GABPB2: variants seen among roughly 807,000 people sequenced by gnomAD.
GABPB2 encodes the protein GA binding protein transcription factor subunit beta 2, also known as GA-binding protein subunit beta-2.
A neutral mutation model predicts 39.1 loss-of-function variants in GABPB2; 23 were observed. That is an observed-to-expected ratio of 0.59 (90% CI 0.42 to 0.83). The LOEUF (loss-of-function observed/expected upper bound fraction) is 0.83, where lower values mean the gene tolerates loss of function less well. Among genes scored for constraint, GABPB2 ranks in the 40% least tolerant of loss-of-function variants. The probability of loss-of-function intolerance (pLI) is 0.00; values close to 1 mark genes in which losing one functional copy is unlikely to be tolerated. For missense variants in GABPB2, 467 were observed against 541.1 expected (o/e 0.86, Z 1.36); for synonymous variants, 184 against 199.3 (o/e 0.92, Z 0.65).
In GABPB2 at chr1:151,093,278, G is replaced by A. The variant is rs752731005; in HGVS notation, c.363G>A (p.Glu121=). ...AGCGCCACCATCGAGATGTCGTAGA[G>A]TTACTTATCAAATATGGAGCTGATG... is the stretch of plus-strand genomic sequence containing the variant. ...ATERHHRDVV[E]LLIKYGADVH... Residue 121 remains glutamate (E), a synonymous_variant, in exon 4 of 9, where the codon GAG becomes GAA. Transcript: ENST00000368918. 3 of 1,613,362 alleles carry A rather than the reference G, an allele frequency of 1.9e-6. No individual in the cohort carries two copies. Among genetic ancestry groups the A allele is most frequent in the Admixed American group, 1.7e-5 (1 of 59,842 alleles).
At chr1:151,084,473 G>A (rs1420976724) in intron 1 of GABPB2, among the ~76,000 whole-genome samples, 1 of 148,460 alleles carries the variant, frequency 6.7e-6, no homozygotes, top group Non-Finnish European at 1.5e-5. Flanking sequence ...TGATCAGCCC[G>A]CCTTGACCTC....
intron 1 of GABPB2, 61 bp from the exon 2 acceptor site, chr1:151,088,129 T>C: frequency 6.0e-6 from 7 of 1,158,414 alleles, no homozygotes; most frequent in Non-Finnish European, 9.0e-6. Flanking sequence ...AAAAATGTAT[T>C]GGCGGCTTTC....
chr1:151,087,098 G>T (rs1678269205), intron 1 of GABPB2, among the ~76,000 whole-genome samples: 1 of 151,546 alleles, frequency 6.6e-6, no homozygotes, highest in Admixed American at 6.6e-5. Context: ...CAGGTGATCT[G>T]CCTGCCTTGG....
At chr1:151,112,238 A>AAC (rs1680502637) in intron 7 of GABPB2, 2 of 151,420 alleles carry the variant, frequency 1.3e-5, no homozygotes, top group Admixed American at 1.3e-4. Context: ...AAAAAAAAAA[A>AAC]AAAAAAAAAC....
At chr1:151,099,963 C>T (rs1006088751) in intron 5 of GABPB2, among the ~76,000 whole-genome samples, 3 of 152,170 alleles carry the variant, frequency 2.0e-5, no homozygotes, top group Non-Finnish European at 4.4e-5. Context: ...AGCTTGACCC[C>T]AACATGCCCA....
intron 1 of GABPB2, among the ~76,000 whole-genome samples, chr1:151,084,167 C>T (rs1377296449): frequency 1.3e-5 from 2 of 151,868 alleles, no homozygotes; most frequent in African/African-American, 4.8e-5. Context: ...CCACTTCTGC[C>T]TCCCTAAATG....
chr1:151,087,838 ATTATTTT>A (rs1408116507), intron 1 of GABPB2, among the ~76,000 whole-genome samples: 1 of 152,112 alleles, frequency 6.6e-6, no homozygotes, highest in East Asian at 1.9e-4. Context: ...TACATACTTT[ATTATTTT>A]ATATTATGTT....
At chr1:151,081,860 C>G (rs1677732094) in intron 1 of GABPB2, among the ~76,000 whole-genome samples, 1 of 151,950 alleles carries the variant, frequency 6.6e-6, no homozygotes, top group South Asian at 2.1e-4. Flanking sequence ...TGCTCTCGAA[C>G]TCCTGACCTT....
In GABPB2 at chr1:151,120,576, G is replaced by A. The variant is rs937942445; in HGVS notation, c.*2320G>A. On this transcript the variant is annotated 3_prime_UTR_variant, in exon 9 of 9. Transcript: ENST00000368918. ...GAGTATATATAAAACCAAAATCCAGGCTGTGTTTCCACAGTGCTGGGAAGT... is the reference window on the plus strand; with the variant it reads ...GAGTATATATAAAACCAAAATCCAGACTGTGTTTCCACAGTGCTGGGAAGT... 6 of 151,998 alleles carry A rather than the reference G, an allele frequency of 3.9e-5. No homozygotes were observed. Among genetic ancestry groups the A allele is most frequent in the South Asian group, 2.1e-4 (1 of 4,816 alleles). The allele number at this position is 151,998 out of a possible 1,614,324, so 9.4% of individuals were successfully genotyped here.
At chr1:151,105,838 C>T (rs1487909388) in intron 6 of GABPB2, among the ~76,000 whole-genome samples, 3 of 151,952 alleles carry the variant, frequency 2.0e-5, no homozygotes, top group Admixed American at 6.6e-5. Context: ...AGGAAAAAAG[C>T]CATCTAACAT....
At chr1:151,102,661 C>T (rs894444909) in intron 5 of GABPB2, among the ~76,000 whole-genome samples, 11 of 152,024 alleles carry the variant, frequency 7.2e-5, no homozygotes, top group Non-Finnish European at 1.3e-4. Context: ...AGGCTGGTCT[C>T]GAACTCCTGA....
chr1:151,078,599 A>G (rs1677390839), intron 1 of GABPB2, among the ~76,000 whole-genome samples: 1 of 152,144 alleles, frequency 6.6e-6, no homozygotes, highest in Non-Finnish European at 1.5e-5. Context: ...TCTCAAAAAA[A>G]AAATAGAAAA....
In GABPB2 at chr1:151,075,952, G is replaced by A. The variant is rs988251653; in HGVS notation, c.-1+5018G>A. Among the ~76,000 whole-genome samples the A allele has an allele frequency of 3.3e-5, 5 of 152,060 alleles. No individual in the cohort carries two copies. The South Asian group carries it at 8.3e-4, about 25-fold the overall frequency. On this transcript the variant is annotated intron_variant, in intron 1 of 8. Coordinates refer to ENST00000368918, the MANE Select transcript of GABPB2 (RefSeq NM_144618.3). ...TAACTTTTTCAGGGTGAATAGGGGC[G>A]ATGATATTCCTGCCTGACTCTTAGG...
At chr1:151,082,080 T>TC (rs1677757526) in intron 1 of GABPB2, among the ~76,000 whole-genome samples, 1 of 149,326 alleles carries the variant, frequency 6.7e-6, no homozygotes, top group African/African-American at 2.5e-5. Flanking sequence ...CTTTTTCTTT[T>TC]TTTTTTTTTT....
chr1:151,099,678 G>A (rs994229126), intron 5 of GABPB2, among the ~76,000 whole-genome samples: 2 of 152,182 alleles, frequency 1.3e-5, no homozygotes, highest in African/African-American at 2.4e-5. Context: ...TATTGATATT[G>A]AGAGGTAGTG....
At chr1:151,075,879 A>C (rs1677133752) in intron 1 of GABPB2, among the ~76,000 whole-genome samples, 1 of 152,136 alleles carries the variant, frequency 6.6e-6, no homozygotes, top group South Asian at 2.1e-4. Flanking sequence ...CTTTTATTAG[A>C]GAACCCTTAA....
At chr1:151,077,514 G>A (rs925187240) in intron 1 of GABPB2, among the ~76,000 whole-genome samples, 3 of 151,626 alleles carry the variant, frequency 2.0e-5, no homozygotes, top group Non-Finnish European at 2.9e-5. Flanking sequence ...GCAACACCAC[G>A]CCCAGCTAAT....
At chr1:151,104,491 A>C (rs1246846129) in intron 6 of GABPB2, among the ~76,000 whole-genome samples, 5 of 152,234 alleles carry the variant, frequency 3.3e-5, no homozygotes, top group Non-Finnish European at 1.5e-5. Flanking sequence ...GGAACAACAT[A>C]GCAAAGGGAA....
At chr1:151,109,742 TA>T (rs1220938860) in intron 7 of GABPB2, among the ~76,000 whole-genome samples, 1 of 151,870 alleles carries the variant, frequency 6.6e-6, no homozygotes, top group African/African-American at 2.4e-5. Flanking sequence ...GTGGCATGAT[TA>T]TGGCGCACTG....
Sources: gnomAD v4.1 joint callset for allele counts (sites outside exome capture counted in the v4.1 genomes callset) on GRCh38, gnomAD v4.1.1 for gene constraint, MANE v1.5 for transcripts, NCBI Gene and HGNC (gene_info 2026-07-23, HGNC 2026-07-21) for gene names.